Variants in PCDHGA3 observed in about 807,000 individuals in gnomAD.
The protein encoded by PCDHGA3 is protocadherin gamma subfamily A, 3, also known as protocadherin gamma-A3.
A neutral mutation model predicts 58.5 loss-of-function variants in PCDHGA3; 40 were observed. The ratio of observed to expected loss-of-function variants is 0.68; its 90% CI spans 0.53 to 0.89. The LOEUF (loss-of-function observed/expected upper bound fraction) is 0.89. Ranked by LOEUF, PCDHGA3 falls within the 40% of genes least tolerant of loss-of-function variation. The probability of loss-of-function intolerance (pLI) is 0.00; values close to 1 mark genes in which losing one functional copy is unlikely to be tolerated. For synonymous variants in PCDHGA3, 530 were observed against 525.7 expected, an observed-to-expected ratio of 1.01 and a Z score of -0.11; for missense variants, 1,223 against 1,195.9, an observed-to-expected ratio of 1.02 and a Z score of -0.33.
At position 141,369,841 on chromosome 5, in the gene PCDHGA3, A is replaced by G. The variant is rs139634339; in HGVS notation, c.2424+23384A>G. 6.6e-4 allele frequency among the ~76,000 whole-genome samples: 101 copies of G among 152,282 alleles called. No homozygotes were observed. The East Asian group carries it at 0.014, about 20-fold the overall frequency. ...CTTCCATTTGTATGATTTTCTATGT[A>G]TTATTTTATTTGGCCCTCATTTCTA... On this transcript the variant is annotated intron_variant, in intron 1 of 3. Coordinates refer to ENST00000253812, the MANE Select transcript of PCDHGA3 (RefSeq NM_018916.4).
intron 1 of PCDHGA3, chr5:141,357,628 C>A (rs1335077514): frequency 2.5e-6 from 4 of 1,613,256 alleles, no homozygotes; most frequent in Non-Finnish European, 2.5e-6. Context: ...TCAGGTGAGT[C>A]AATCTTATAA....
At chr5:141,365,876 G>A (rs1764179173) in intron 1 of PCDHGA3, 2 of 1,614,122 alleles carry the variant, frequency 1.2e-6, no homozygotes, top group Non-Finnish European at 1.7e-6. Context: ...TGTCCTGTAT[G>A]CTCTGAGATC....
chr5:141,393,634 A>G (rs1589198700), intron 1 of PCDHGA3: 3 of 1,613,848 alleles, frequency 1.9e-6, no homozygotes, highest in African/African-American at 2.7e-5. Flanking sequence ...GAGGGAATCA[A>G]CGGAAAAGTG....
rs777895357 is a variant in PCDHGA3, at chr5:141,357,337, G to A, written c.2424+10880G>A. On this transcript the variant is annotated intron_variant, in intron 1 of 3. Coordinates refer to ENST00000253812, the MANE Select transcript of PCDHGA3 (RefSeq NM_018916.4). ...CCTGGCTTTTGTCACGGTGCTGCTA[G>A]CACTCAAGCTGAGACGCTGGCACAA... The A allele has an allele frequency of 1.7e-5, 28 of 1,614,000 alleles. No homozygotes were observed. The highest frequency in any genetic ancestry group is 2.3e-5 in the Non-Finnish European group (27 of 1,179,954).
At chr5:141,351,090 C>T in intron 1 of PCDHGA3, 1 of 1,614,036 alleles carries the variant, frequency 6.2e-7, no homozygotes, top group South Asian at 1.1e-5. Flanking sequence ...ATCACCTATG[C>T]CTTCCTCAAT....
chr5:141,459,757 G>A (rs1360124889), intron 1 of PCDHGA3, among the ~76,000 whole-genome samples: 3 of 152,162 alleles, frequency 2.0e-5, no homozygotes, highest in Admixed American at 2.0e-4. Context: ...ATTCTAGTGG[G>A]TGTGTGATAC....
intron 1 of PCDHGA3, chr5:141,360,236 G>T (rs377333161): frequency 3.7e-6 from 6 of 1,613,850 alleles, no homozygotes; most frequent in Non-Finnish European, 5.1e-6. Context: ...GTCCAGATCC[G>T]CTATTCAATT....
Position 141,431,240 on chromosome 5 carries a change from G to A in PCDHGA3, c.2425-63567G>A, listed in dbSNP as rs1402814836. 6 of 1,614,044 alleles carry A rather than the reference G, an allele frequency of 3.7e-6. No individual in the cohort carries two copies. Among genetic ancestry groups the A allele is most frequent in the Non-Finnish European group, 5.1e-6 (6 of 1,180,056 alleles). On this transcript the variant is annotated intron_variant, in intron 1 of 3. Coordinates refer to ENST00000253812, the MANE Select transcript of PCDHGA3 (RefSeq NM_018916.4). The surrounding 1 kb of genome is among the most constrained non-coding windows in gnomAD (Gnocchi z 4.8). Reference sequence around the variant, plus strand: ...CCCTCTACCCCACGCCTGGGATCCGGATATCGGGAAGAACTCTCTGCAGAG... The same window carrying A: ...CCCTCTACCCCACGCCTGGGATCCGAATATCGGGAAGAACTCTCTGCAGAG...
At chr5:141,361,026 A>G (rs1357990065) in intron 1 of PCDHGA3, 2 of 1,613,406 alleles carry the variant, frequency 1.2e-6, no homozygotes, top group Non-Finnish European at 1.7e-6. Flanking sequence ...TAAATGAAAA[A>G]ACAGGAGAAA....
intron 1 of PCDHGA3, chr5:141,423,755 G>A (rs1236551808): frequency 2.5e-5 from 13 of 512,416 alleles, no homozygotes; most frequent in Non-Finnish European, 3.4e-5. Context: ...CTGTTTGGGG[G>A]GGGGGTGGGG....
intron 1 of PCDHGA3, chr5:141,422,289 T>A: frequency 1.3e-6 from 2 of 1,553,678 alleles, no homozygotes; most frequent in Non-Finnish European, 1.7e-6. Context: ...CCTCTTCTAT[T>A]AATTCAATTC....
intron 1 of PCDHGA3, chr5:141,428,296 AT>A: frequency 1.4e-6 from 1 of 713,574 alleles, no homozygotes; most frequent in Non-Finnish European, 2.5e-6. Flanking sequence ...AAAGCTGCAG[AT>A]TTACCTGGTC....
chr5:141,487,783 G>T lies in PCDHGA3; in HGVS notation c.2425-7024G>T. The T allele has an allele frequency of 6.6e-7, 1 of 1,522,846 alleles. No homozygotes were observed. The allele number at this position is 1,522,846 out of a possible 1,614,324, so 94.3% of individuals were successfully genotyped here. ...ACGCTGTGCTTTGTAACTGTTTCGT[G>T]AATTAACCAGAGTTGTCACAGTTTA... is the stretch of plus-strand genomic sequence containing the variant. On this transcript the variant is annotated intron_variant, in intron 1 of 3. Transcript: ENST00000253812. The surrounding 1 kb of genome is among the most constrained non-coding windows in gnomAD (Gnocchi z 5.0).
At position 141,489,886 on chromosome 5, in the gene PCDHGA3, G is replaced by A; in HGVS notation, c.2425-4921G>A. ...ACATCAGCTGGTGCTTACTGCTGTG[G>A]ATGGGGGGACCCCAGCCCGCTCAGG... is the stretch of plus-strand genomic sequence containing the variant. On this transcript the variant is annotated intron_variant, in intron 1 of 3. Transcript: ENST00000253812. This position sits in a 1 kb window ranked among gnomAD's most constrained non-coding sequence, Gnocchi z 4.5. 6.2e-7 allele frequency: 1 copy of A among 1,614,256 alleles called. No individual in the cohort carries two copies. The highest frequency in any genetic ancestry group is 8.5e-7 in the Non-Finnish European group (1 of 1,180,044).
chr5:141,362,397 G>T (rs778703789), intron 1 of PCDHGA3: 1 of 1,613,898 alleles, frequency 6.2e-7, no homozygotes, highest in African/African-American at 1.3e-5. Flanking sequence ...CCTACAACCT[G>T]TGTGTTGCCT....
chr5:141,384,870 C>T lies in PCDHGA3; in HGVS notation c.2424+38413C>T, dbSNP rs573213865. 2.6e-5 allele frequency: 42 copies of T among 1,613,806 alleles called. No homozygotes were observed. The Admixed American group carries it at 4.7e-4, about 18-fold the overall frequency. Reference sequence around the variant, plus strand: ...ACGGTCAGCCTCCTCTGTCAGCCACCGTCACACTCACCGTGGCTGTGGCTG... The same window carrying T: ...ACGGTCAGCCTCCTCTGTCAGCCACTGTCACACTCACCGTGGCTGTGGCTG... On this transcript the variant is annotated intron_variant, in intron 1 of 3. Coordinates refer to ENST00000253812, the MANE Select transcript of PCDHGA3 (RefSeq NM_018916.4).
chr5:141,419,735 G>A (rs1013306543), intron 1 of PCDHGA3: 4 of 1,613,806 alleles, frequency 2.5e-6, no homozygotes, highest in Non-Finnish European at 3.4e-6. Flanking sequence ...AACAGGCGAG[G>A]TGCGCATGGT....
chr5:141,350,353 C>G (rs879584256), intron 1 of PCDHGA3: 4 of 1,563,430 alleles, frequency 2.6e-6, no homozygotes, highest in South Asian at 1.2e-5. Context: ...CCCAGCAGAT[C>G]CGATACACGA....
intron 1 of PCDHGA3, among the ~76,000 whole-genome samples, chr5:141,405,806 C>T (rs2094720612): frequency 6.8e-6 from 1 of 146,048 alleles, no homozygotes. Context: ...TTAGCTTTCT[C>T]TTTAACTGTC....
Sources: allele counts gnomAD v4.1 joint callset (sites outside exome capture counted in the v4.1 genomes callset), GRCh38; gene constraint gnomAD v4.1.1; non-coding constraint Gnocchi (gnomAD v3.1); transcripts MANE v1.5; gene names NCBI Gene and HGNC (gene_info 2026-07-23, HGNC 2026-07-21).